The following PTCD1 variants were observed in gnomAD, a reference collection of about 807,000 sequenced individuals.
PTCD1 encodes pentatricopeptide repeat-containing protein 1, mitochondrial.
PTCD1 carries 50 observed loss-of-function variants against 53.4 expected under a neutral mutation model. That is an observed-to-expected ratio of 0.94 (90% CI 0.75 to 1.19). The LOEUF (loss-of-function observed/expected upper bound fraction) is 1.19, where lower values mean the gene tolerates loss of function less well. Among genes scored for constraint, PTCD1 ranks in the 50% most tolerant of loss-of-function variants. The pLI is 0.00. For synonymous variants in PTCD1, 413 were observed against 394.8 expected, an observed-to-expected ratio of 1.05 and a Z score of -0.55; for missense variants, 918 against 904.8, an observed-to-expected ratio of 1.01 and a Z score of -0.19.
chr7:99,421,097 A>G (rs1385984581), intron 7 of PTCD1, among the ~76,000 whole-genome samples: 1 of 152,218 alleles, frequency 6.6e-6, no homozygotes, highest in African/African-American at 2.4e-5. Context: ...ATATGAGTAC[A>G]GATGCTCCTG....
chr7:99,423,069 C>G (rs1379595143), intron 7 of PTCD1, among the ~76,000 whole-genome samples: 1 of 150,856 alleles, frequency 6.6e-6, no homozygotes, highest in Non-Finnish European at 1.5e-5. Context: ...AACTTCAGCT[C>G]TTAACCTCTT....
At chr7:99,422,994 G>A (rs980948932) in intron 7 of PTCD1, among the ~76,000 whole-genome samples, 3 of 150,448 alleles carry the variant, frequency 2.0e-5, no homozygotes, top group Admixed American at 6.6e-5. Flanking sequence ...CAAGGAGAGA[G>A]CTCTTCTCTT....
chr7:99,438,564 G>T (rs781224984), intron 1 of PTCD1, 128 bp downstream of exon 1: 16 of 1,130,554 alleles, frequency 1.4e-5, no homozygotes, highest in Non-Finnish European at 1.6e-5. Flanking sequence ...TCTCCACACG[G>T]ACTTCTGCAG....
chr7:99,429,214 G>A lies in PTCD1; in HGVS notation c.814-10C>T, dbSNP rs2240385. On this transcript the variant is annotated splice_polypyrimidine_tract_variant and intron_variant, in intron 4 of 7. Coordinates refer to ENST00000292478, the MANE Select transcript of PTCD1 (RefSeq NM_015545.4). ...CTTTGTGGATGATTTCCTGGGGGAGGGAACAAAGACGTCCCACTGAGAACC... is the reference window on the plus strand; with the variant it reads ...CTTTGTGGATGATTTCCTGGGGGAGAGAACAAAGACGTCCCACTGAGAACC... The A allele has an allele frequency of 0.05, 81,126 of 1,613,900 alleles. 6,267 individuals are homozygous for A. Among genetic ancestry groups the A allele is most frequent in the East Asian group, 0.3 (13,332 of 44,852 alleles).
rs1045325409 is a variant in PTCD1 at position 99,417,723 on chromosome 7, C to T, written c.*2244G>A. 19 of 1,538,452 alleles carry T rather than the reference C, an allele frequency of 1.2e-5. No individual in the cohort carries two copies. The African/African-American group carries it at 2.5e-4, about 20-fold the overall frequency. On this transcript the variant is annotated 3_prime_UTR_variant, in exon 8 of 8. Transcript: ENST00000292478. ...TGTCCCTGGATGTCCTGCTGGCTCT[C>T]CCTCGTGGGAGTGGGTCCCTGTATT... is the stretch of plus-strand genomic sequence containing the variant.
chr7:99,429,117 G>A lies in PTCD1; in HGVS notation c.901C>T (p.Arg301Trp), dbSNP rs140372739. 722 of 1,614,182 alleles carry A rather than the reference G, an allele frequency of 4.5e-4. No homozygotes were observed. The highest frequency in any genetic ancestry group is 3.0e-3 in the Middle Eastern group (18 of 6,062). ...GCIQDKKTGF[R>W]YALQVWRLML... ...GAGGGACATACCTGGAGGGCGTACC[G>A]GAAGCCTGTCTTCTTGTCTTGGATG... Residue 301 changes from arginine to tryptophan, a missense_variant, in exon 5 of 8, where the codon CGG (arginine) becomes TGG (tryptophan). Arg to Trp is a moderately radical substitution (Grantham distance 101, BLOSUM62 -3). Coordinates refer to ENST00000292478, the MANE Select transcript of PTCD1 (RefSeq NM_015545.4).
rs1584448707 is a variant in PTCD1 at position 99,420,079 on chromosome 7, A to G, written c.1991T>C (p.Val664Ala). 11 of 1,614,160 alleles carry G rather than the reference A, an allele frequency of 6.8e-6. No individual in the cohort carries two copies. The highest frequency in any genetic ancestry group is 1.7e-5 in the Admixed American group (1 of 60,012). The change falls in exon 8 of 8, where the codon GTG becomes GCG. Residue 664 changes from valine (V) to alanine (A), a missense_variant. By Grantham distance (64) the Val-to-Ala change is moderately conservative. Coordinates refer to ENST00000292478, the MANE Select transcript of PTCD1 (RefSeq NM_015545.4). ...GTGCGGGGTTTCCTCTGCGGGCATC[A>G]CTGTCAGCCACTGCTTGTAATAGGC... Reference protein sequence around the residue: ...FRAYYKQWLTVMPAEETPHPW... With the variant: ...FRAYYKQWLTAMPAEETPHPW...
chr7:99,429,350 C>A, intron 4 of PTCD1, 146 bp from the exon 5 acceptor site: 1 of 1,189,124 alleles, frequency 8.4e-7, no homozygotes, highest in South Asian at 1.3e-5. Context: ...GGCAACATAG[C>A]AAGACCCTGT....
intron 5 of PTCD1, among the ~76,000 whole-genome samples, chr7:99,426,963 G>GGA (rs1796053476): frequency 4.6e-5 from 7 of 151,438 alleles, no homozygotes; most frequent in African/African-American, 1.7e-4. Context: ...TGAGAAGTGA[G>GGA]GAGCCCCTCC....
intron 5 of PTCD1, among the ~76,000 whole-genome samples, chr7:99,426,081 T>A (rs1796001584): frequency 6.7e-6 from 1 of 150,298 alleles, no homozygotes; most frequent in Non-Finnish European, 1.5e-5. Context: ...TGTAAAACAT[T>A]TAAAAAATTG....
At chr7:99,420,765 T>C (rs1408288784) in intron 7 of PTCD1, among the ~76,000 whole-genome samples, 4 of 152,134 alleles carry the variant, frequency 2.6e-5, no homozygotes, top group Admixed American at 2.0e-4. Flanking sequence ...GAGACCAGCC[T>C]GGCCAGCATG....
intron 1 of PTCD1, among the ~76,000 whole-genome samples, chr7:99,438,042 T>G (rs921456942): frequency 6.6e-6 from 1 of 152,112 alleles, no homozygotes; most frequent in Non-Finnish European, 1.5e-5. Context: ...GCTCCAGCAA[T>G]CAGGAAAGGA....
chr7:99,427,404 C>T (rs1300441596), intron 5 of PTCD1, among the ~76,000 whole-genome samples: 2 of 147,760 alleles, frequency 1.4e-5, no homozygotes, highest in African/African-American at 2.5e-5. Flanking sequence ...AGGTGAGGGG[C>T]GCCTCTGCCC....
chr7:99,438,520 G>A, intron 1 of PTCD1, 172 bp downstream of exon 1: 1 of 1,121,704 alleles, frequency 8.9e-7, no homozygotes. Flanking sequence ...CCTCCTCAGA[G>A]GCCCACCCGG....
Position 99,424,779 on chromosome 7 carries a change from G to A in PTCD1, c.1737+16C>T. 6.2e-7 allele frequency: 1 copy of A among 1,613,868 alleles called. No individual in the cohort carries two copies. ...TGAGCACCATGGGTGTCCTGCCCAG[G>A]CCCGAGTCCACTCACCTTCATGTCT... On this transcript the variant is annotated intron_variant, in intron 6 of 7. Transcript: ENST00000292478.
At position 99,423,958 on chromosome 7, in the gene PTCD1, C is replaced by A. The variant is rs182497211; in HGVS notation, c.1738-1G>T. 18 of 1,614,046 alleles carry A rather than the reference C, an allele frequency of 1.1e-5. No individual in the cohort carries two copies. The highest frequency in any genetic ancestry group is 1.4e-5 in the Non-Finnish European group (17 of 1,179,954). On this transcript the variant is annotated splice_acceptor_variant, in intron 6 of 7. Transcript: ENST00000292478. LOFTEE classifies it high-confidence loss of function. Reference sequence around the variant, plus strand: ...GAGTGTTGGGGGTCACCTGGGACTTCTAGAACACAGGGACATCGTAGAATC... The same window carrying A: ...GAGTGTTGGGGGTCACCTGGGACTTATAGAACACAGGGACATCGTAGAATC...
At position 99,434,849 on chromosome 7, in the gene PTCD1, G is replaced by A. The variant is rs181819633; in HGVS notation, c.394C>T (p.Arg132Trp). The A allele has an allele frequency of 3.5e-5, 56 of 1,614,018 alleles. No homozygotes were observed. Among genetic ancestry groups the A allele is most frequent in the South Asian group, 7.7e-5 (7 of 91,084 alleles). ...AAGTACCAGTACGGGGTGTTTCTCCGGCCTCGCCATAATTTGGGCTCCGGT... is the reference window on the plus strand; with the variant it reads ...AAGTACCAGTACGGGGTGTTTCTCCAGCCTCGCCATAATTTGGGCTCCGGT... ...MEPEPKLWRGRRNTPYWYFLQ... is the reference protein window; with the variant it reads ...MEPEPKLWRGWRNTPYWYFLQ... The change falls in exon 2 of 8, where the codon CGG becomes TGG. Residue 132 changes from arginine (R) to tryptophan (W), a missense_variant. Coordinates refer to ENST00000292478, the MANE Select transcript of PTCD1 (RefSeq NM_015545.4).
In PTCD1 at chr7:99,417,179, C is replaced by A. The variant is rs1244318245; in HGVS notation, c.*2788G>T. 3.3e-5 allele frequency: 13 copies of A among 399,104 alleles called. No individual in the cohort carries two copies. The highest frequency in any genetic ancestry group is 4.7e-5 in the Non-Finnish European group (10 of 214,084). 24.7% of individuals were successfully genotyped at this position (399,104 alleles called of 1,614,324 possible). A position where few individuals can be genotyped will look rare whatever the true frequency, so the allele number is the denominator to read the frequency against. On this transcript the variant is annotated 3_prime_UTR_variant, in exon 8 of 8. Transcript: ENST00000292478. Reference sequence around the variant, plus strand: ...TCAAGTGATTCTCCTGCCTCAGCCTCCTAAGTAGCTGGGATTACAGCTGCT... The same window carrying A: ...TCAAGTGATTCTCCTGCCTCAGCCTACTAAGTAGCTGGGATTACAGCTGCT...
chr7:99,432,040 A>G (rs1426516421), intron 3 of PTCD1, among the ~76,000 whole-genome samples: 1 of 152,224 alleles, frequency 6.6e-6, no homozygotes, highest in Non-Finnish European at 1.5e-5. Context: ...CCAGGGACAC[A>G]ATACACTGCG....
Sources: allele counts gnomAD v4.1 joint callset (sites outside exome capture counted in the v4.1 genomes callset), GRCh38; gene constraint gnomAD v4.1.1; transcripts MANE v1.5; gene names NCBI Gene and HGNC (gene_info 2026-07-23, HGNC 2026-07-21).